DAB1: variants seen among roughly 807,000 people sequenced by gnomAD.
DAB1 encodes DAB adaptor protein 1.
In DAB1, 15 loss-of-function variants were observed where a neutral mutation model predicts 64.6. The ratio of observed to expected loss-of-function variants is 0.23; its 90% CI spans 0.16 to 0.36. DAB1 has a LOEUF of 0.36. Among genes scored for constraint, DAB1 ranks in the 10% least tolerant of loss-of-function variants. The probability of loss-of-function intolerance (pLI) is 1.00; values close to 1 mark genes in which losing one functional copy is unlikely to be tolerated. For synonymous variants in DAB1, 235 were observed against 251.9 expected (o/e 0.93, Z 0.64); for missense variants, 596 against 706.7 (o/e 0.84, Z 1.78).
intron 7 of DAB1, among the ~76,000 whole-genome samples, chr1:57,573,199 C>A (rs1294642183): frequency 6.6e-6 from 1 of 152,040 alleles, no homozygotes; most frequent in Non-Finnish European, 1.5e-5. Context: ...GGGATCCTCC[C>A]GCCTCAGCCT....
chr1:57,085,365 A>G (rs1038113841), intron 4 of DAB1, among the ~76,000 whole-genome samples: 1 of 152,160 alleles, frequency 6.6e-6, no homozygotes, highest in African/African-American at 2.4e-5. Context: ...ACTGCGCCCA[A>G]GTGAGGGCAG....
At chr1:57,463,850 T>C (rs1205929728) in intron 7 of DAB1, among the ~76,000 whole-genome samples, 1 of 152,170 alleles carries the variant, frequency 6.6e-6, no homozygotes, top group Non-Finnish European at 1.5e-5. Flanking sequence ...CAGACATAAA[T>C]AAGACACGGC....
At chr1:57,603,035 C>A (rs189798817) in intron 7 of DAB1, among the ~76,000 whole-genome samples, 1 of 152,180 alleles carries the variant, frequency 6.6e-6, no homozygotes, top group South Asian at 2.1e-4. Flanking sequence ...TGCAATGGCA[C>A]GATCTCGGCT....
intron 1 of DAB1, among the ~76,000 whole-genome samples, chr1:57,866,660 G>A (rs1044997049): frequency 3.3e-5 from 5 of 152,162 alleles, no homozygotes; most frequent in African/African-American, 1.2e-4. Context: ...ATTCGGGCAT[G>A]CCTTACAGAG....
rs909854387 is a variant in DAB1 at position 57,475,437 on chromosome 1, C to T, written n.625+174155G>A. On this transcript the variant is annotated intron_variant and non_coding_transcript_variant, in intron 7 of 20. Transcript: ENST00000485760. The stretch of plus-strand genomic sequence containing the variant: ...TAGAAAGGGCTTAACACAGTGCCTG[C>T]CCAGGTCAATGTCTGATACCTAGAG... 2.6e-5 allele frequency among the ~76,000 whole-genome samples: 4 copies of T among 152,296 alleles called. No homozygotes were observed. In the South Asian group the frequency reaches 8.3e-4, roughly 32 times the overall value.
intron 2 of DAB1, among the ~76,000 whole-genome samples, chr1:58,519,385 T>C (rs1646224933): frequency 6.6e-6 from 1 of 152,116 alleles, no homozygotes; most frequent in Non-Finnish European, 1.5e-5. Context: ...TGCAGACACG[T>C]GAATGACCAC....
At chr1:57,088,353 G>C (rs1420832913) in intron 4 of DAB1, among the ~76,000 whole-genome samples, 2 of 152,308 alleles carry the variant, frequency 1.3e-5, no homozygotes, top group African/African-American at 4.8e-5. Context: ...TTACAGGCGT[G>C]AGCCAGTGAG....
At chr1:57,392,410 G>C (rs1421877549) in intron 1 of DAB1, among the ~76,000 whole-genome samples, 1 of 151,988 alleles carries the variant, frequency 6.6e-6, no homozygotes, top group Non-Finnish European at 1.5e-5. Context: ...AGCATATAAC[G>C]AACACTCCTA....
At chr1:57,362,402 C>T (rs1679628553) in intron 1 of DAB1, among the ~76,000 whole-genome samples, 1 of 152,110 alleles carries the variant, frequency 6.6e-6, no homozygotes, top group African/African-American at 2.4e-5. Context: ...TACTCCTATA[C>T]CTTCTCAGTG....
At chr1:58,035,265 C>T (rs1361092083) in intron 5 of DAB1, among the ~76,000 whole-genome samples, 1 of 152,244 alleles carries the variant, frequency 6.6e-6, no homozygotes, top group African/African-American at 2.4e-5. Context: ...AGGTGAGCTA[C>T]CCCAAACACC....
chr1:58,179,195 A>C (rs927148970), intron 4 of DAB1, among the ~76,000 whole-genome samples: 1 of 151,806 alleles, frequency 6.6e-6, no homozygotes, highest in Non-Finnish European at 1.5e-5. Flanking sequence ...CTTGATTGTG[A>C]AGTAGAATCT....
At chr1:57,653,232 C>A (rs1436624113) in intron 6 of DAB1, among the ~76,000 whole-genome samples, 1 of 152,078 alleles carries the variant, frequency 6.6e-6, no homozygotes, top group Non-Finnish European at 1.5e-5. Flanking sequence ...AAGATAACGA[C>A]TCTCCTAAAT....
chr1:58,170,632 A>T (rs1043731449), intron 4 of DAB1, among the ~76,000 whole-genome samples: 2 of 152,188 alleles, frequency 1.3e-5, no homozygotes, highest in Non-Finnish European at 1.5e-5. Context: ...AGAGGACAGT[A>T]AATGGAGCAG....
Position 57,010,766 on chromosome 1 carries a change from T to G in DAB1, c.1597A>C (p.Asn533His), listed in dbSNP as rs1446933443. Residue 533 changes from asparagine to histidine, a missense_variant, in exon 14 of 15, where the codon AAC (asparagine) becomes CAC (histidine). Coordinates refer to ENST00000371236, the MANE Select transcript of DAB1 (RefSeq NM_001365792.1). ...EAPDGSQASS[N>H]SDPFGEPSGE... is the part of the protein sequence containing the mutation. ...CTGGGCTCACCAAATGGATCACTGT[T>G]GGATGAGGCCTGTGATCCATCAGGC... is the stretch of plus-strand genomic sequence containing the variant. The G allele has an allele frequency of 6.3e-7, 1 of 1,594,376 alleles. No homozygotes were observed. Among genetic ancestry groups the G allele is most frequent in the East Asian group, 2.3e-5 (1 of 44,384 alleles).
At chr1:57,723,729 T>A (rs375307389) in intron 6 of DAB1, among the ~76,000 whole-genome samples, 2 of 152,238 alleles carry the variant, frequency 1.3e-5, no homozygotes, top group East Asian at 3.9e-4. Context: ...ATTAGCTGAT[T>A]GTGGCTACAT....
At chr1:57,870,333 T>G (rs889399669) in intron 1 of DAB1, among the ~76,000 whole-genome samples, 1 of 152,110 alleles carries the variant, frequency 6.6e-6, no homozygotes, top group Non-Finnish European at 1.5e-5. Flanking sequence ...TGGGGCTGCA[T>G]AGAGTTATGG....
chr1:58,054,000 A>G (rs11808372), intron 5 of DAB1, among the ~76,000 whole-genome samples: 7,040 of 152,300 alleles, frequency 0.046, 546 homozygotes, highest in African/African-American at 0.16. Flanking sequence ...GAAGAACAAG[A>G]GGGAAGAAGT....
chr1:57,060,386 A>G (rs1306006281), intron 9 of DAB1, among the ~76,000 whole-genome samples: 1 of 151,986 alleles, frequency 6.6e-6, no homozygotes, highest in Non-Finnish European at 1.5e-5. Flanking sequence ...TCCTGACCTC[A>G]TGATCTGCTC....
intron 4 of DAB1, among the ~76,000 whole-genome samples, chr1:58,189,306 G>C (rs1301143628): frequency 2.0e-5 from 3 of 152,118 alleles, no homozygotes; most frequent in East Asian, 1.9e-4. Context: ...TGTAGTCTGG[G>C]TGTCATTTAA....
Sources: gnomAD v4.1 joint callset for allele counts (sites outside exome capture counted in the v4.1 genomes callset) on GRCh38, gnomAD v4.1.1 for gene constraint, MANE v1.5 for transcripts, NCBI Gene and HGNC (gene_info 2026-07-23, HGNC 2026-07-21) for gene names.